The following PCDH11X variants were observed in gnomAD, a reference collection of about 807,000 sequenced individuals.
The protein encoded by PCDH11X is protocadherin-11 X-linked.
In PCDH11X, 18 loss-of-function variants were observed where a neutral mutation model predicts 53.3. The ratio of observed to expected loss-of-function variants is 0.34; its 90% CI spans 0.23 to 0.50. The LOEUF (loss-of-function observed/expected upper bound fraction) is 0.50. Ranked by LOEUF, PCDH11X falls within the 20% of genes least tolerant of loss-of-function variation. The probability of loss-of-function intolerance (pLI) is 0.98; values close to 1 mark genes in which losing one functional copy is unlikely to be tolerated. For missense variants in PCDH11X, 570 were observed against 1,032.4 expected (o/e 0.55, Z 6.14); for synonymous variants, 279 against 393.3 (o/e 0.71, Z 3.44).
Position 92,065,246 on chromosome X carries a change from A to G in PCDH11X, c.3034-136129A>G, listed in dbSNP as rs376805284. The stretch of plus-strand genomic sequence containing the variant: ...ATTTTCCTTATTCATTCATCCCTTG[A>G]TGGATACTTAGGTTGCTTCTAAATC... On this transcript the variant is annotated intron_variant, in intron 6 of 10. Coordinates refer to ENST00000682573, the MANE Select transcript of PCDH11X (RefSeq NM_032968.5). Among the ~76,000 whole-genome samples the G allele has an allele frequency of 3.1e-4, 33 of 106,212 alleles. 1 individual carries two copies. Among genetic ancestry groups the G allele is most frequent in the Admixed American group, 1.8e-3 (18 of 9,768 alleles). 92.2% of individuals were successfully genotyped at this position (106,212 alleles called of 115,157 possible).
chrX:92,209,207 C>G (rs757111301), intron 7 of PCDH11X, among the ~76,000 whole-genome samples: 1 of 111,455 alleles, frequency 9.0e-6, no homozygotes, highest in Non-Finnish European at 1.9e-5. Flanking sequence ...CCAGCAGGCC[C>G]CTAAAGTTTT....
At position 92,428,566 on chromosome X, in the gene PCDH11X, A is replaced by G. The variant is rs774323103; in HGVS notation, c.3344-39733A>G. 1.9e-3 allele frequency among the ~76,000 whole-genome samples: 205 copies of G among 110,793 alleles called. 1 individual carries two copies. Among genetic ancestry groups the G allele is most frequent in the African/African-American group, 6.7e-3 (203 of 30,496 alleles). ...CAGGTGGTTGAATGGCTAGCACTCC[A>G]TGAGCTTTATTCATGTATATTTATA... On this transcript the variant is annotated intron_variant, in intron 9 of 10. Transcript: ENST00000682573.
At chrX:91,952,376 G>C (rs1275954990) in intron 6 of PCDH11X, among the ~76,000 whole-genome samples, 3 of 111,143 alleles carry the variant, frequency 2.7e-5, no homozygotes, top group Non-Finnish European at 5.7e-5. Context: ...ATTTAAATTA[G>C]ACAACAAGCA....
intron 8 of PCDH11X, among the ~76,000 whole-genome samples, chrX:92,383,106 C>T (rs2070920503): frequency 2.8e-5 from 3 of 108,841 alleles, no homozygotes; most frequent in South Asian, 7.9e-4. Context: ...GGAACACAGG[C>T]AGGCCCATTC....
chrX:91,999,516 C>T (rs1352741765), intron 6 of PCDH11X, among the ~76,000 whole-genome samples: 6 of 110,640 alleles, frequency 5.4e-5, no homozygotes, highest in Non-Finnish European at 9.4e-5. Context: ...TGAAAATGTT[C>T]AAAATTGTTA....
intron 9 of PCDH11X, chrX:92,459,645 A>C (rs1323907410): frequency 6.5e-6 from 5 of 774,493 alleles, no homozygotes; most frequent in Non-Finnish European, 9.9e-6. Flanking sequence ...GTCCTGTCCT[A>C]TCTCTCTCCT....
intron 6 of PCDH11X, among the ~76,000 whole-genome samples, chrX:91,893,959 C>T (rs1438705622): frequency 2.1e-4 from 23 of 111,533 alleles, no homozygotes; most frequent in Non-Finnish European, 4.1e-4. Flanking sequence ...GCCCTTTTTA[C>T]TTTCGTTCTT....
intron 9 of PCDH11X, among the ~76,000 whole-genome samples, chrX:92,424,424 G>T (rs2072059731): frequency 1.0e-5 from 1 of 96,346 alleles, no homozygotes; most frequent in Admixed American, 1.1e-4. Flanking sequence ...CAGGTTTTAG[G>T]TTATATCATA....
chrX:92,221,249 T>TG (rs2066868203), intron 7 of PCDH11X, among the ~76,000 whole-genome samples: 1 of 35,866 alleles, frequency 2.8e-5, no homozygotes. Context: ...ATTGCTCATT[T>TG]TTTTTTTAAA....
intron 8 of PCDH11X, among the ~76,000 whole-genome samples, chrX:92,273,585 G>T (rs959135066): frequency 4.5e-5 from 5 of 110,131 alleles, no homozygotes; most frequent in African/African-American, 6.6e-5. Context: ...TTTTGGGGGT[G>T]GTATGGAGAG....
At chrX:92,473,696 G>A (rs1024693593) in intron 10 of PCDH11X, among the ~76,000 whole-genome samples, 2 of 110,275 alleles carry the variant, frequency 1.8e-5, no homozygotes, top group African/African-American at 6.6e-5. Flanking sequence ...TTTAATTTCT[G>A]CATTAACATA....
chrX:92,238,078 G>A (rs1019017387), intron 7 of PCDH11X, among the ~76,000 whole-genome samples: 1 of 111,589 alleles, frequency 9.0e-6, no homozygotes, highest in Non-Finnish European at 1.9e-5. Flanking sequence ...CCGCATCTTT[G>A]AAATAAAGCA....
At chrX:92,554,980 G>A (rs1372905699) in intron 10 of PCDH11X, among the ~76,000 whole-genome samples, 1 of 111,694 alleles carries the variant, frequency 9.0e-6, no homozygotes, top group Non-Finnish European at 1.9e-5. Flanking sequence ...ACTTTCTAGT[G>A]TAATTAACTT....
At chrX:92,398,993 C>A (rs4314818) in intron 9 of PCDH11X, among the ~76,000 whole-genome samples, 1 of 108,004 alleles carries the variant, frequency 9.3e-6, no homozygotes, top group Non-Finnish European at 1.9e-5. Context: ...GAGATTGAGA[C>A]CATCCTGGCT....
chrX:92,456,700 C>T (rs143007219), intron 9 of PCDH11X, among the ~76,000 whole-genome samples: 3,069 of 110,988 alleles, frequency 0.028, 66 homozygotes, highest in African/African-American at 0.078. Flanking sequence ...GTTCCTCATA[C>T]TCCCCCTCCT....
intron 7 of PCDH11X, among the ~76,000 whole-genome samples, chrX:92,203,418 G>A (rs1156938905): frequency 1.8e-5 from 2 of 112,581 alleles, no homozygotes; most frequent in East Asian, 5.6e-4. Context: ...TGCACTGTGA[G>A]AAGATATGAT....
At chrX:92,280,063 C>G (rs1482701301) in intron 8 of PCDH11X, among the ~76,000 whole-genome samples, 1 of 112,111 alleles carries the variant, frequency 8.9e-6, no homozygotes, top group African/African-American at 3.2e-5. Flanking sequence ...CAGAAACATG[C>G]TAACATGCTG....
chrX:92,544,967 C>T (rs2074821877), intron 10 of PCDH11X, among the ~76,000 whole-genome samples: 1 of 111,554 alleles, frequency 9.0e-6, no homozygotes, highest in Admixed American at 9.6e-5. Flanking sequence ...TGGTACCTGT[C>T]TCTTCATACT....
intron 9 of PCDH11X, among the ~76,000 whole-genome samples, chrX:92,422,134 CTTTTTTT>C (rs67131959): frequency 1.2e-5 from 1 of 86,331 alleles, no homozygotes; most frequent in Non-Finnish European, 2.3e-5. Flanking sequence ...AATTTCTTTT[CTTTTTTT>C]TTTTTTTTTT....
Sources: allele counts gnomAD v4.1 joint callset (sites outside exome capture counted in the v4.1 genomes callset), GRCh38; gene constraint gnomAD v4.1.1; transcripts MANE v1.5; gene names NCBI Gene and HGNC (gene_info 2026-07-23, HGNC 2026-07-21).